Variants in GRHL2 observed in about 807,000 individuals in gnomAD.
GRHL2 encodes grainyhead like transcription factor 2, also known as grainyhead-like protein 2 homolog.
A neutral mutation model predicts 83.8 loss-of-function variants in GRHL2; 21 were observed. The ratio of observed to expected loss-of-function variants is 0.25; its 90% CI spans 0.18 to 0.36. The LOEUF (loss-of-function observed/expected upper bound fraction) is 0.36. Ranked by LOEUF, GRHL2 falls within the 10% of genes least tolerant of loss-of-function variation. GRHL2 has a pLI of 1.00. For missense variants in GRHL2, 623 were observed against 781.8 expected, an observed-to-expected ratio of 0.80 and a Z score of 2.42; for synonymous variants, 280 against 278.9, an observed-to-expected ratio of 1.00 and a Z score of -0.04.
At chr8:101,589,859 G>A (rs1353483505) in intron 7 of GRHL2, among the ~76,000 whole-genome samples, 1 of 152,098 alleles carries the variant, frequency 6.6e-6, no homozygotes, top group Non-Finnish European at 1.5e-5. Context: ...GTATGGAAAG[G>A]TGCTCATCTG....
intron 1 of GRHL2, among the ~76,000 whole-genome samples, chr8:101,517,033 GT>G (rs1260550707): frequency 6.6e-6 from 1 of 152,102 alleles, no homozygotes; most frequent in Non-Finnish European, 1.5e-5. Context: ...ATGCCTTTGG[GT>G]TTTAGGTCAG....
chr8:101,655,784 C>A (rs1028743807), intron 14 of GRHL2, among the ~76,000 whole-genome samples: 1 of 152,146 alleles, frequency 6.6e-6, no homozygotes, highest in Non-Finnish European at 1.5e-5. Context: ...TTTTAAACTG[C>A]CTTAAAGACA....
rs767796163 is a variant in GRHL2 at position 101,573,736 on chromosome 8, C to T, written c.803C>T (p.Thr268Ile). ...LRQKQGEGPM[T>I]YLNKGQFYAI... Reference sequence around the variant, plus strand: ...CAGAAGCAGGGGGAGGGCCCCATGACCTACCTCAACAAAGGACAGTTCTAT... The same window carrying T: ...CAGAAGCAGGGGGAGGGCCCCATGATCTACCTCAACAAAGGACAGTTCTAT... The change falls in exon 6 of 16, where the codon ACC becomes ATC. Residue 268 changes from threonine to isoleucine, a missense_variant. Physicochemically the swap from Thr to Ile is moderately conservative, Grantham distance 89. Around this residue, in one of 8 missense-constraint regions of GRHL2, gnomAD observed 96 missense variants for 144.8 expected, o/e 0.66. Coordinates refer to ENST00000646743, the MANE Select transcript of GRHL2 (RefSeq NM_024915.4). 1.2e-6 allele frequency: 2 copies of T among 1,614,160 alleles called. No homozygotes were observed. Among genetic ancestry groups the T allele is most frequent in the Non-Finnish European group, 1.7e-6 (2 of 1,180,030 alleles).
intron 9 of GRHL2, among the ~76,000 whole-genome samples, chr8:101,631,169 T>C (rs549512749): frequency 6.6e-6 from 1 of 152,328 alleles, no homozygotes; most frequent in South Asian, 2.1e-4. Flanking sequence ...TCCACCACTG[T>C]AATAATTTTT....
intron 10 of GRHL2, 50 bp downstream of exon 10, chr8:101,631,774 G>A: frequency 2.1e-6 from 3 of 1,436,350 alleles, no homozygotes; most frequent in South Asian, 1.1e-5. Flanking sequence ...CAGGTGGGCT[G>A]TGTCCACTGG....
intron 1 of GRHL2, among the ~76,000 whole-genome samples, chr8:101,497,907 T>A (rs1269520099): frequency 6.6e-6 from 1 of 152,222 alleles, no homozygotes; most frequent in Non-Finnish European, 1.5e-5. Context: ...GCCCTAGATG[T>A]TGTTTGCTTT....
At chr8:101,556,155 C>G (rs937351631) in intron 3 of GRHL2, among the ~76,000 whole-genome samples, 18 of 152,106 alleles carry the variant, frequency 1.2e-4, no homozygotes, top group Admixed American at 6.5e-5. Context: ...TGGCGTTTCT[C>G]CATGGTGGTC....
At chr8:101,680,393 G>T in the GRHL2 span, among the ~76,000 whole-genome samples, 34 of 147,738 alleles carry the variant, frequency 2.3e-4, no homozygotes, top group East Asian at 5.2e-3. Flanking sequence ...AAATATATAT[G>T]CACCCAATAC....
intron 9 of GRHL2, among the ~76,000 whole-genome samples, chr8:101,625,446 G>C (rs1813062556): frequency 6.6e-6 from 1 of 152,094 alleles, no homozygotes; most frequent in Admixed American, 6.6e-5. Flanking sequence ...AAGACACTAA[G>C]AGGGCAGAGA....
At chr8:101,603,792 G>A (rs1812567636) in intron 8 of GRHL2, among the ~76,000 whole-genome samples, 1 of 152,106 alleles carries the variant, frequency 6.6e-6, no homozygotes, top group Non-Finnish European at 1.5e-5. Flanking sequence ...TGTGTAATGT[G>A]AACAGGCGTC....
At chr8:101,519,669 A>G (rs552139253) in intron 1 of GRHL2, among the ~76,000 whole-genome samples, 1 of 152,166 alleles carries the variant, frequency 6.6e-6, no homozygotes, top group Non-Finnish European at 1.5e-5. Flanking sequence ...TAACATACAA[A>G]TGACCTTCAT....
intron 4 of GRHL2, among the ~76,000 whole-genome samples, chr8:101,563,369 A>C (rs1323795274): frequency 6.6e-6 from 1 of 151,210 alleles, no homozygotes; most frequent in Admixed American, 6.6e-5. Flanking sequence ...TTTTTTTTTT[A>C]ATCTTTCAGG....
At chr8:101,524,263 C>T (rs779513437) in intron 1 of GRHL2, among the ~76,000 whole-genome samples, 1 of 152,038 alleles carries the variant, frequency 6.6e-6, no homozygotes, top group Admixed American at 6.6e-5. Context: ...TTATCTTTGC[C>T]AGTTTGTTAG....
chr8:101,492,600 C>G lies in GRHL2; in HGVS notation c.-170C>G, dbSNP rs1356251373. ...CTTTCCGGCTAGGTGAGGGCGCGAG[C>G]GGGCGAGCGAGCGAGAGTGGTGAGG... On this transcript the variant is annotated 5_prime_UTR_variant, in exon 1 of 16. Coordinates refer to ENST00000646743, the MANE Select transcript of GRHL2 (RefSeq NM_024915.4). 1 of 718,860 alleles carries G rather than the reference C, an allele frequency of 1.4e-6. No homozygotes were observed. Among genetic ancestry groups the G allele is most frequent in the African/African-American group, 1.7e-5 (1 of 57,440 alleles). The allele number at this position is 718,860 out of a possible 1,614,324, so 44.5% of individuals were successfully genotyped here. A position where few individuals can be genotyped will look rare whatever the true frequency, so the allele number is the denominator to read the frequency against.
chr8:101,626,884 G>T (rs1304089079), intron 9 of GRHL2, among the ~76,000 whole-genome samples: 5 of 152,032 alleles, frequency 3.3e-5, no homozygotes, highest in Non-Finnish European at 5.9e-5. Context: ...TACTTTAATG[G>T]AATGTATCGA....
At chr8:101,653,462 G>T (rs570853207) in intron 14 of GRHL2, among the ~76,000 whole-genome samples, 1 of 152,244 alleles carries the variant, frequency 6.6e-6, no homozygotes, top group African/African-American at 2.4e-5. Context: ...CTAGGGCATT[G>T]CTTATCTAAC....
At chr8:101,522,133 C>G (rs1810698239) in intron 1 of GRHL2, among the ~76,000 whole-genome samples, 1 of 152,114 alleles carries the variant, frequency 6.6e-6, no homozygotes, top group South Asian at 2.1e-4. Context: ...ACTTTAAGTT[C>G]TAGGGTACAT....
chr8:101,663,346 G>C (rs1008420172), intron 14 of GRHL2, among the ~76,000 whole-genome samples: 1 of 152,106 alleles, frequency 6.6e-6, no homozygotes, highest in African/African-American at 2.4e-5. Context: ...GGGTGTGGTG[G>C]CTCACGTCTG....
At chr8:101,634,787 C>G (rs1372558250) in intron 11 of GRHL2, among the ~76,000 whole-genome samples, 1 of 152,098 alleles carries the variant, frequency 6.6e-6, no homozygotes, top group East Asian at 1.9e-4. Flanking sequence ...GCCACCTGCC[C>G]CCCACCCCAC....
Sources: gnomAD v4.1 joint callset for allele counts (sites outside exome capture counted in the v4.1 genomes callset) on GRCh38, gnomAD v4.1.1 for gene constraint, gnomAD v4.1.1 regional missense constraint, MANE v1.5 for transcripts, NCBI Gene and HGNC (gene_info 2026-07-23, HGNC 2026-07-21) for gene names.